The following KLHDC10 variants were observed in gnomAD, a reference collection of about 807,000 sequenced individuals.
The protein encoded by KLHDC10 is kelch domain containing 10, also known as kelch domain-containing protein 10.
KLHDC10 carries 24 observed loss-of-function variants against 56.1 expected under a neutral mutation model. The ratio of observed to expected loss-of-function variants is 0.43; its 90% CI spans 0.31 to 0.60. The LOEUF is 0.60. Among genes scored for constraint, KLHDC10 ranks in the 20% least tolerant of loss-of-function variants. KLHDC10 has a pLI of 0.11. For synonymous variants in KLHDC10, 188 were observed against 207.1 expected (o/e 0.91, Z 0.79); for missense variants, 349 against 567.0 (o/e 0.62, Z 3.91).
chr7:130,098,004 A>T (rs575553550), intron 2 of KLHDC10, among the ~76,000 whole-genome samples: 1 of 151,998 alleles, frequency 6.6e-6, no homozygotes, highest in Non-Finnish European at 1.5e-5. Context: ...AACCCAGTGT[A>T]TCTAATTTTA....
intron 1 of KLHDC10, among the ~76,000 whole-genome samples, chr7:130,075,400 A>G (rs758972154): frequency 6.6e-6 from 1 of 152,222 alleles, no homozygotes; most frequent in African/African-American, 2.4e-5. Flanking sequence ...TATAAAATCC[A>G]AATGATACAA....
rs1205244742 is a variant in KLHDC10, at chr7:130,070,627, G to A, written c.-17G>A. On this transcript the variant is annotated 5_prime_UTR_variant, in exon 1 of 10. Coordinates refer to ENST00000335420, the MANE Select transcript of KLHDC10 (RefSeq NM_014997.4). ...CAGGCGCTGACGGGACCGGGCTGCG[G>A]CAATCGTTAGCGGGTCATGTCGGCC... 7.6e-7 allele frequency: 1 copy of A among 1,315,866 alleles called. No homozygotes were observed. The highest frequency in any genetic ancestry group is 1.5e-5 in the African/African-American group (1 of 66,464). The allele number at this position is 1,315,866 out of a possible 1,614,324, so 81.5% of individuals were successfully genotyped here. A position where few individuals can be genotyped will look rare whatever the true frequency, so the allele number is the denominator to read the frequency against.
rs777910986 is a variant in KLHDC10 at position 130,129,483 on chromosome 7, T to C, written c.1026T>C (p.Asp342=). ...ATAATGGAGAGGTGATCCTGGGAGATATCTGGAAGTTGAATCTGCAGACTT... is the reference window on the plus strand; with the variant it reads ...ATAATGGAGAGGTGATCCTGGGAGACATCTGGAAGTTGAATCTGCAGACTT... ...GGYNGEVILG[D]IWKLNLQTFQ... is the part of the protein sequence containing the mutation. The change falls in exon 9 of 10, where the codon GAT becomes GAC. Residue 342 remains aspartate (D), a synonymous_variant. Coordinates refer to ENST00000335420, the MANE Select transcript of KLHDC10 (RefSeq NM_014997.4). The C allele has an allele frequency of 3.1e-6, 5 of 1,614,068 alleles. No homozygotes were observed. The South Asian group carries it at 4.4e-5, about 14-fold the overall frequency.
rs796530721 is a variant in KLHDC10, at chr7:130,081,315, TTTTG to T, written c.166+10514_166+10517del. Among the ~76,000 whole-genome samples, 180 of 149,910 alleles carry T rather than the reference TTTTG, an allele frequency of 1.2e-3. 1 individual carries two copies. The highest frequency in any genetic ancestry group is 4.1e-3 in the African/African-American group (167 of 40,724). ...CGCCTGGCCTCTTTTATATATTTTT[TTTTG>T]TTTGTTTTTTATTTTTGAGATGGAG... On this transcript the variant is annotated intron_variant, in intron 1 of 9. Coordinates refer to ENST00000335420, the MANE Select transcript of KLHDC10 (RefSeq NM_014997.4).
Position 130,116,527 on chromosome 7 carries a change from A to C in KLHDC10, c.336A>C (p.Pro112=), listed in dbSNP as rs761205643. ...TNLYVFGGYN[P]DYDESGGPDN... The stretch of plus-strand genomic sequence containing the variant: ...TATATGTGTTTGGAGGTTATAACCC[A>C]GATTATGATGAATCGGGAGGGCCTG... Residue 112 remains proline (P), a synonymous_variant, in exon 3 of 10, where the codon CCA becomes CCC. Transcript: ENST00000335420. This position sits in a 1 kb window ranked among gnomAD's most constrained non-coding sequence, Gnocchi z 4.8. The C allele has an allele frequency of 4.3e-6, 7 of 1,614,042 alleles. No individual in the cohort carries two copies. The highest frequency in any genetic ancestry group is 5.9e-6 in the Non-Finnish European group (7 of 1,180,018).
intron 2 of KLHDC10, among the ~76,000 whole-genome samples, chr7:130,109,067 A>G (rs1563103132): frequency 6.6e-6 from 1 of 151,910 alleles, no homozygotes; most frequent in Non-Finnish European, 1.5e-5. Flanking sequence ...GGTGTGCGCC[A>G]CCACACCCTG....
intron 1 of KLHDC10, among the ~76,000 whole-genome samples, chr7:130,079,717 GCCTT>G (rs1563096273): frequency 3.4e-4 from 31 of 90,912 alleles, no homozygotes; most frequent in Non-Finnish European, 4.6e-4. Context: ...CTGCCTGCCT[GCCTT>G]CCTGCCTTCC....
At position 130,135,451 on chromosome 7, in the gene KLHDC10, T is replaced by C. The variant is rs568841660; in HGVS notation, c.*4705T>C. 1 of 154,484 alleles carries C rather than the reference T, an allele frequency of 6.5e-6. No individual in the cohort carries two copies. Among genetic ancestry groups the C allele is most frequent in the Admixed American group, 6.5e-5 (1 of 15,318 alleles). The allele number at this position is 154,484 out of a possible 1,614,324, so 9.6% of individuals were successfully genotyped here. On this transcript the variant is annotated 3_prime_UTR_variant, in exon 10 of 10. Coordinates refer to ENST00000335420, the MANE Select transcript of KLHDC10 (RefSeq NM_014997.4). ...CTTTGCTCTTCCTACAGGGTATGCT[T>C]GGGCCATACACAATGCTCGCCTTAC...
In KLHDC10 at chr7:130,116,410, G is replaced by A. The variant is rs1275258653; in HGVS notation, c.254-35G>A. The A allele has an allele frequency of 1.9e-6, 3 of 1,551,296 alleles. No homozygotes were observed. Among genetic ancestry groups the A allele is most frequent in the East Asian group, 2.3e-5 (1 of 44,094 alleles). ...TTTTGTTTGTGCTTTTAAACTGGTAGGACACCTGTGGAAAACTGTCCTCTT... is the reference window on the plus strand; with the variant it reads ...TTTTGTTTGTGCTTTTAAACTGGTAAGACACCTGTGGAAAACTGTCCTCTT... On this transcript the variant is annotated intron_variant, in intron 2 of 9. Coordinates refer to ENST00000335420, the MANE Select transcript of KLHDC10 (RefSeq NM_014997.4). The surrounding 1 kb of genome is among the most constrained non-coding windows in gnomAD (Gnocchi z 4.8).
At chr7:130,117,869 A>AAAAAAG (rs1563104978) in intron 3 of KLHDC10, among the ~76,000 whole-genome samples, 4 of 148,354 alleles carry the variant, frequency 2.7e-5, no homozygotes, top group East Asian at 2.0e-4. Flanking sequence ...AAAAAAAAAA[A>AAAAAAG]AAAAAGAAAA....
intron 2 of KLHDC10, among the ~76,000 whole-genome samples, chr7:130,110,869 A>G (rs1796091196): frequency 6.6e-6 from 1 of 152,228 alleles, no homozygotes. Flanking sequence ...AGACTTACTA[A>G]GCAGTAAATG....
intron 2 of KLHDC10, among the ~76,000 whole-genome samples, chr7:130,109,157 T>C (rs1796065014): frequency 1.3e-5 from 2 of 151,864 alleles, no homozygotes; most frequent in South Asian, 4.2e-4. Flanking sequence ...TCCACCCGCC[T>C]TGGCCTCCCA....
intron 3 of KLHDC10, among the ~76,000 whole-genome samples, chr7:130,119,537 T>TAA (rs11317882): frequency 0.11 from 11,465 of 100,166 alleles, 680 homozygotes; most frequent in East Asian, 0.27. Context: ...AAAAAAGAGT[T>TAA]AAAAAAAAAA....
chr7:130,122,166 A>C lies in KLHDC10; in HGVS notation c.743A>C (p.Lys248Thr), dbSNP rs1336085374. ...AATACCAGAGAGTGGACACAACTGA[A>C]ACCAAACAACCTATCCTGTGATCTA... ...DLNTREWTQL[K>T]PNNLSCDLPE... Residue 248 changes from lysine to threonine, a missense_variant, in exon 5 of 10, where the codon AAA becomes ACA. By Grantham distance (78) the Lys-to-Thr change is moderately conservative. This residue lies in a region of KLHDC10 where 245 missense variants were observed against 470.1 expected (regional missense o/e 0.52). Coordinates refer to ENST00000335420, the MANE Select transcript of KLHDC10 (RefSeq NM_014997.4). 5 of 1,613,920 alleles carry C rather than the reference A, an allele frequency of 3.1e-6. No individual in the cohort carries two copies. Among genetic ancestry groups the C allele is most frequent in the African/African-American group, 1.3e-5 (1 of 74,928 alleles).
Position 130,124,501 on chromosome 7 carries a change from G to C in KLHDC10, c.830G>C (p.Gly277Ala). Reference sequence around the variant, plus strand: ...GGGCAGAGGATTTACATCTTGGGAGGTGGTACTTCCTGGACAGCATATTCC... The same window carrying C: ...GGGCAGAGGATTTACATCTTGGGAGCTGGTACTTCCTGGACAGCATATTCC... Reference protein sequence around the residue: ...HDGQRIYILGGGTSWTAYSLN... With the variant: ...HDGQRIYILGAGTSWTAYSLN... Residue 277 changes from glycine (G) to alanine (A), a missense_variant, in exon 6 of 10, where the codon GGT becomes GCT. This residue lies in a region of KLHDC10 where 245 missense variants were observed against 470.1 expected (regional missense o/e 0.52). Coordinates refer to ENST00000335420, the MANE Select transcript of KLHDC10 (RefSeq NM_014997.4). 1 of 1,602,938 alleles carries C rather than the reference G, an allele frequency of 6.2e-7. No homozygotes were observed. The highest frequency in any genetic ancestry group is 1.1e-5 in the South Asian group (1 of 90,564).
At chr7:130,079,973 CCTCT>C (rs1481127413) in intron 1 of KLHDC10, among the ~76,000 whole-genome samples, 1 of 149,906 alleles carries the variant, frequency 6.7e-6, no homozygotes, top group East Asian at 1.9e-4. Context: ...TCCCTCCCTC[CCTCT>C]GTCGCCCAGG....
At chr7:130,114,102 C>T (rs1261291541) in intron 2 of KLHDC10, among the ~76,000 whole-genome samples, 1 of 152,082 alleles carries the variant, frequency 6.6e-6, no homozygotes, top group Non-Finnish European at 1.5e-5. Context: ...TTTGGCCTGA[C>T]GTTAAAGTCA....
Position 130,106,599 on chromosome 7 carries a change from A to C in KLHDC10, c.253+9592A>C, listed in dbSNP as rs573648519. On this transcript the variant is annotated intron_variant, in intron 2 of 9. Coordinates refer to ENST00000335420, the MANE Select transcript of KLHDC10 (RefSeq NM_014997.4). ...CTGTATTAAATAAAACATTTAATAAAATTTGATATTTAATGTGTTCATTTT... is the reference window on the plus strand; with the variant it reads ...CTGTATTAAATAAAACATTTAATAACATTTGATATTTAATGTGTTCATTTT... 3.3e-5 allele frequency among the ~76,000 whole-genome samples: 5 copies of C among 152,356 alleles called. No individual in the cohort carries two copies. In the South Asian group the frequency reaches 1.0e-3, roughly 32 times the overall value.
intron 2 of KLHDC10, among the ~76,000 whole-genome samples, chr7:130,107,547 C>T (rs1336793062): frequency 6.6e-6 from 1 of 151,806 alleles, no homozygotes; most frequent in Admixed American, 6.6e-5. Context: ...TGATGAAATA[C>T]AAAACTAGCT....
Sources: allele counts gnomAD v4.1 joint callset (sites outside exome capture counted in the v4.1 genomes callset), GRCh38; gene constraint gnomAD v4.1.1; regional missense constraint gnomAD v4.1.1; non-coding constraint Gnocchi (gnomAD v3.1); transcripts MANE v1.5; gene names NCBI Gene and HGNC (gene_info 2026-07-23, HGNC 2026-07-21).